The following PRTFDC1 variants were observed in gnomAD, a reference collection of about 807,000 sequenced individuals.
PRTFDC1 encodes the protein phosphoribosyl transferase domain containing 1.
In PRTFDC1, 38 loss-of-function variants were observed where a neutral mutation model predicts 34.6. That is an observed-to-expected ratio of 1.10 (90% CI 0.85 to 1.44). The LOEUF is 1.44. PRTFDC1 is among the 40% of genes most tolerant of loss of function. The pLI is 0.00. For missense variants in PRTFDC1, 270 were observed against 283.0 expected, an observed-to-expected ratio of 0.95 and a Z score of 0.33; for synonymous variants, 93 against 98.1, an observed-to-expected ratio of 0.95 and a Z score of 0.31.
intron 3 of PRTFDC1, among the ~76,000 whole-genome samples, chr10:24,917,816 A>G (rs75839136): frequency 3.5e-4 from 53 of 152,278 alleles, no homozygotes; most frequent in Non-Finnish European, 6.8e-4. Flanking sequence ...CTCAAAGAAC[A>G]TTCACTGTCA....
At chr10:24,858,329 C>T (rs927040723) in intron 5 of PRTFDC1, 63 bp downstream of exon 5, 14 of 1,550,476 alleles carry the variant, frequency 9.0e-6, no homozygotes, top group African/African-American at 2.7e-5. Context: ...CAAGGTTTAC[C>T]GTTTAAAACT....
At chr10:24,935,897 A>G (rs1849042563) in intron 3 of PRTFDC1, among the ~76,000 whole-genome samples, 1 of 152,232 alleles carries the variant, frequency 6.6e-6, no homozygotes, top group African/African-American at 2.4e-5. Context: ...GAGCTTGCCA[A>G]CAGTCAGTGA....
chr10:24,886,735 CA>C (rs1848171004), intron 3 of PRTFDC1, among the ~76,000 whole-genome samples: 1 of 152,138 alleles, frequency 6.6e-6, no homozygotes, highest in East Asian at 1.9e-4. Context: ...CCTCAGTCTC[CA>C]GAGTAACTGG....
intron 3 of PRTFDC1, among the ~76,000 whole-genome samples, chr10:24,879,639 T>G (rs1042735408): frequency 3.3e-5 from 5 of 152,076 alleles, no homozygotes; most frequent in Non-Finnish European, 7.4e-5. Context: ...TGAGCCACCA[T>G]GCCCAGCTGT....
chr10:24,929,040 C>CAAAACAAAA (rs1848928132), intron 3 of PRTFDC1, among the ~76,000 whole-genome samples: 1 of 73,612 alleles, frequency 1.4e-5, no homozygotes, highest in African/African-American at 6.7e-5. Context: ...GACTCCGTCT[C>CAAAACAAAA]AAAAAAAAAA....
At chr10:24,856,113 CAAAAAAAAAAAAAAAA>C (rs56982921) in intron 6 of PRTFDC1, among the ~76,000 whole-genome samples, 12 of 41,112 alleles carry the variant, frequency 2.9e-4, no homozygotes, top group African/African-American at 1.3e-3. Context: ...GACTCCGTCT[CAAAAAAAAAAAAAAAA>C]AAAAAAAAAA....
chr10:24,926,639 G>A (rs556446552), intron 3 of PRTFDC1, among the ~76,000 whole-genome samples: 1 of 152,216 alleles, frequency 6.6e-6, no homozygotes, highest in Admixed American at 6.5e-5. Context: ...ATGAGCCACT[G>A]CGTCCGGCCA....
intron 1 of PRTFDC1, among the ~76,000 whole-genome samples, chr10:24,945,137 C>A (rs978377268): frequency 6.6e-6 from 1 of 152,162 alleles, no homozygotes; most frequent in East Asian, 1.9e-4. Flanking sequence ...ACCTTCATAG[C>A]CTGTTTTACC....
chr10:24,868,989 G>A (rs1290835887), intron 4 of PRTFDC1, among the ~76,000 whole-genome samples: 1 of 152,204 alleles, frequency 6.6e-6, no homozygotes, highest in African/African-American at 2.4e-5. Context: ...GCAGGTCAGG[G>A]TATTTGGGGT....
chr10:24,862,321 T>C (rs112987257), intron 4 of PRTFDC1, among the ~76,000 whole-genome samples: 39 of 152,292 alleles, frequency 2.6e-4, no homozygotes, highest in African/African-American at 9.1e-4. Flanking sequence ...GGATCTTCCC[T>C]TCTCTTTTAA....
rs1847921236 is a variant in PRTFDC1, at chr10:24,874,009, G to A, written c.340-1946C>T. Among the ~76,000 whole-genome samples the A allele has an allele frequency of 1.3e-5, 2 of 151,006 alleles. 1 individual carries two copies. The highest frequency in any genetic ancestry group is 4.2e-4 in the South Asian group (2 of 4,796). On this transcript the variant is annotated intron_variant, in intron 3 of 8. Coordinates refer to ENST00000320152, the MANE Select transcript of PRTFDC1 (RefSeq NM_020200.7). The stretch of plus-strand genomic sequence containing the variant: ...TGCTGCCTCAAACTCCTGGGCTCAA[G>A]CGATCCTCCTGCCTCAACCTCTCAA...
chr10:24,900,590 A>G (rs1848432814), intron 3 of PRTFDC1, among the ~76,000 whole-genome samples: 1 of 152,230 alleles, frequency 6.6e-6, no homozygotes, highest in African/African-American at 2.4e-5. Context: ...TTGCTGAAAA[A>G]TATGATCTTT....
chr10:24,899,691 CA>C (rs1472304023), intron 3 of PRTFDC1, among the ~76,000 whole-genome samples: 1 of 152,036 alleles, frequency 6.6e-6, no homozygotes, highest in African/African-American at 2.4e-5. Context: ...ACTTTAGAGA[CA>C]AAGAAAAAAT....
At chr10:24,911,558 C>G (rs1848627432) in intron 3 of PRTFDC1, among the ~76,000 whole-genome samples, 1 of 152,076 alleles carries the variant, frequency 6.6e-6, no homozygotes, top group Non-Finnish European at 1.5e-5. Flanking sequence ...ATTTGCATAC[C>G]AGCCTTTGTA....
At chr10:24,871,338 T>C (rs1198098009) in intron 4 of PRTFDC1, among the ~76,000 whole-genome samples, 1 of 152,166 alleles carries the variant, frequency 6.6e-6, no homozygotes, top group African/African-American at 2.4e-5. Context: ...CAAATGTGCA[T>C]TTCAAGTAAC....
chr10:24,930,973 G>A (rs1430458247), intron 3 of PRTFDC1, among the ~76,000 whole-genome samples: 2 of 152,064 alleles, frequency 1.3e-5, no homozygotes, highest in African/African-American at 2.4e-5. Flanking sequence ...GATTACAATG[G>A]TGATAGTTTC....
chr10:24,886,286 G>GA (rs566079157), intron 3 of PRTFDC1, among the ~76,000 whole-genome samples: 276 of 152,188 alleles, frequency 1.8e-3, no homozygotes, highest in African/African-American at 6.0e-3. Flanking sequence ...AAACTACTCT[G>GA]AAAAAATGAA....
At chr10:24,948,766 A>G (rs1157015645) in intron 1 of PRTFDC1, among the ~76,000 whole-genome samples, 1 of 152,116 alleles carries the variant, frequency 6.6e-6, no homozygotes, top group Non-Finnish European at 1.5e-5. Context: ...CAACGACTTC[A>G]TCTTGTAGCT....
intron 2 of PRTFDC1, 127 bp downstream of exon 2, chr10:24,942,203 T>C (rs143500867): frequency 1.5e-5 from 10 of 687,816 alleles, no homozygotes; most frequent in South Asian, 1.9e-5. Context: ...CACTGCCCTA[T>C]ATAAAAGTTC....
Sources: allele counts gnomAD v4.1 joint callset (sites outside exome capture counted in the v4.1 genomes callset), GRCh38; gene constraint gnomAD v4.1.1; transcripts MANE v1.5; gene names NCBI Gene and HGNC (gene_info 2026-07-23, HGNC 2026-07-21).